Variants in MACF1 observed in about 807,000 individuals in gnomAD.
MACF1 encodes the protein microtubule-actin cross-linking factor 1.
MACF1 carries 193 observed loss-of-function variants against 854.8 expected under a neutral mutation model. The observed-to-expected ratio is 0.23, with a 90% CI of 0.20 to 0.25. The LOEUF (loss-of-function observed/expected upper bound fraction) is 0.25. Ranked by LOEUF, MACF1 falls within the 10% of genes least tolerant of loss-of-function variation. MACF1 has a pLI of 1.00. For missense variants in MACF1, 7,722 were observed against 8,929.1 expected (o/e 0.86, Z 5.45); for synonymous variants, 3,185 against 3,226.7 (o/e 0.99, Z 0.44).
rs77375279 is a variant in MACF1 at position 39,086,466 on chromosome 1, G to C, written c.220+2028G>C. On this transcript the variant is annotated intron_variant, in intron 2 of 93. Transcript: ENST00000361689. ...CAGCCAGTAACAGAATTTTAGAGCT[G>C]TCCCTAGGGTGCAGGAAGGGGTTTA... Among the ~76,000 whole-genome samples, 1,312 of 152,276 alleles carry C rather than the reference G, an allele frequency of 8.6e-3. 18 individuals carry two copies. The highest frequency in any genetic ancestry group is 0.03 in the African/African-American group (1,234 of 41,544).
rs763610935 is a variant in MACF1 at position 39,428,162 on chromosome 1, A to C, written c.16678A>C (p.Arg5560=). The change falls in exon 63 of 101, where the codon AGG becomes CGG. Residue 5560 remains arginine (R), a synonymous_variant. Transcript: ENST00000564288. ...ACTTGACCAAGCTCTGTCTAATGCT[A>C]GGCTGTTTGGGGAGGATGAGGTGGA... The part of the protein sequence containing the change: ...ALLDQALSNA[R]LFGEDEVEVL... The C allele has an allele frequency of 2.5e-6, 4 of 1,614,152 alleles. No individual in the cohort carries two copies. The highest frequency in any genetic ancestry group is 3.4e-6 in the Non-Finnish European group (4 of 1,180,002).
At chr1:39,309,261 G>GTT (rs199800653) in intron 23 of MACF1, among the ~76,000 whole-genome samples, 23 of 142,908 alleles carry the variant, frequency 1.6e-4, no homozygotes, top group South Asian at 6.7e-4. Flanking sequence ...ATGTAGTTTA[G>GTT]TTTTTTTTTT....
chr1:39,288,959 A>G (rs562204673), intron 15 of MACF1, among the ~76,000 whole-genome samples: 49 of 152,274 alleles, frequency 3.2e-4, no homozygotes, highest in African/African-American at 1.1e-3. Context: ...GTTTTGATTT[A>G]TACATCCCAC....
At chr1:39,440,640 T>A (rs1045375661) in intron 72 of MACF1, among the ~76,000 whole-genome samples, 1 of 152,318 alleles carries the variant, frequency 6.6e-6, no homozygotes, top group East Asian at 1.9e-4. Flanking sequence ...TATACTCTAT[T>A]GTCAGCACTT....
intron 2 of MACF1, among the ~76,000 whole-genome samples, chr1:39,186,212 CTCTGTGTGTGTG>C (rs1430311884): frequency 1.2e-5 from 1 of 80,044 alleles, no homozygotes; most frequent in African/African-American, 5.4e-5. Flanking sequence ...CTCTCTCTCT[CTCTGTGTGTGTG>C]TGTGTGTGTG....
At chr1:39,291,471 C>T (rs1000927999) in intron 15 of MACF1, among the ~76,000 whole-genome samples, 1 of 152,114 alleles carries the variant, frequency 6.6e-6, no homozygotes, top group African/African-American at 2.4e-5. Flanking sequence ...CCCAAAGTAA[C>T]CTGTTTTAAA....
chr1:39,413,155 A>G, intron 58 of MACF1: 1 of 1,613,092 alleles, frequency 6.2e-7, no homozygotes, highest in African/African-American at 1.3e-5. Context: ...TACAGTACCC[A>G]TCACAGAGGA....
At chr1:39,468,408 C>T (rs1219661248) in intron 95 of MACF1, among the ~76,000 whole-genome samples, 1 of 152,182 alleles carries the variant, frequency 6.6e-6, no homozygotes. Context: ...AAAAGTATAT[C>T]AAGACACCAG....
Position 39,353,219 on chromosome 1 carries a change from T to C in MACF1, c.11412T>C (p.Cys3804=), listed in dbSNP as rs1379816158. 2 of 1,604,112 alleles carry C rather than the reference T, an allele frequency of 1.2e-6. No individual in the cohort carries two copies. The highest frequency in any genetic ancestry group is 2.2e-5 in the South Asian group (2 of 90,812). ...CCCCAGAGAAACTGGACAAGCAATG[T>C]GAGATGATGAAGGTAAGGGTGTTAG... The part of the protein sequence containing the change: ...NQAPEKLDKQ[C]EMMKARHQEL... Residue 3804 remains cysteine, a synonymous_variant, in exon 44 of 101, where the codon TGT becomes TGC. Coordinates refer to ENST00000564288, the MANE Select transcript of MACF1 (RefSeq NM_001394062.1).
chr1:39,132,678 A>G (rs554929000), intron 2 of MACF1, among the ~76,000 whole-genome samples: 19 of 152,074 alleles, frequency 1.2e-4, no homozygotes, highest in African/African-American at 3.9e-4. Context: ...GAAGAAATGG[A>G]TATTTTTTTT....
At chr1:39,475,470 A>G (rs998431859) in intron 97 of MACF1, among the ~76,000 whole-genome samples, 2 of 145,884 alleles carry the variant, frequency 1.4e-5, no homozygotes, top group African/African-American at 5.2e-5. Flanking sequence ...CCCTGTCTCA[A>G]AAAAAAAAAA....
intron 2 of MACF1, among the ~76,000 whole-genome samples, chr1:39,188,966 G>C (rs1166874898): frequency 6.6e-6 from 1 of 152,158 alleles, no homozygotes; most frequent in Non-Finnish European, 1.5e-5. Context: ...TCGAACTCTT[G>C]AGCTCAGGTG....
At chr1:39,225,354 C>T (rs976006646) in intron 1 of MACF1, among the ~76,000 whole-genome samples, 2 of 150,678 alleles carry the variant, frequency 1.3e-5, no homozygotes, top group African/African-American at 4.9e-5. Flanking sequence ...GTAGCTGGGA[C>T]TACAGGCGCC....
At chr1:39,285,790 G>T (rs747169175) in intron 14 of MACF1, 32 bp downstream of exon 14, 2 of 1,609,052 alleles carry the variant, frequency 1.2e-6, no homozygotes, top group South Asian at 1.1e-5. Context: ...TGGAGGGCTT[G>T]CTTGCTTACT....
intron 55 of MACF1, among the ~76,000 whole-genome samples, chr1:39,380,924 A>G (rs1026563578): frequency 6.6e-6 from 1 of 152,142 alleles, no homozygotes; most frequent in Non-Finnish European, 1.5e-5. Context: ...AAAAAAACGT[A>G]ACAAAAGAAC....
chr1:39,245,432 C>T (rs967512459), intron 2 of MACF1, among the ~76,000 whole-genome samples: 9 of 152,186 alleles, frequency 5.9e-5, no homozygotes, highest in Middle Eastern at 3.4e-3. Context: ...AGGCATGTGC[C>T]GCCATGCACA....
chr1:39,133,059 G>GCACT (rs1643050258), intron 2 of MACF1, among the ~76,000 whole-genome samples: 2 of 152,190 alleles, frequency 1.3e-5, no homozygotes, highest in African/African-American at 4.8e-5. Flanking sequence ...GCAACTATTA[G>GCACT]TCCCTGGGGG....
chr1:39,272,907 A>G lies in MACF1; in HGVS notation c.529-9301A>G, dbSNP rs528255033. Among the ~76,000 whole-genome samples, 3 of 152,308 alleles carry G rather than the reference A, an allele frequency of 2.0e-5. No homozygotes were observed. In the East Asian group the frequency reaches 5.8e-4, roughly 29 times the overall value. ...GCTGGATGGGAACAGGCTAATAGCAATCGCTCTTTGATGTCAGACAAAGGC... is the reference window on the plus strand; with the variant it reads ...GCTGGATGGGAACAGGCTAATAGCAGTCGCTCTTTGATGTCAGACAAAGGC... On this transcript the variant is annotated intron_variant, in intron 6 of 100. Transcript: ENST00000564288.
At chr1:39,186,721 C>T (rs1644178799) in intron 2 of MACF1, among the ~76,000 whole-genome samples, 1 of 152,096 alleles carries the variant, frequency 6.6e-6, no homozygotes, top group South Asian at 2.1e-4. Context: ...GATCTTCCCA[C>T]CTCAGCTTCC....
Sources: allele counts gnomAD v4.1 joint callset (sites outside exome capture counted in the v4.1 genomes callset), GRCh38; gene constraint gnomAD v4.1.1; transcripts MANE v1.5; gene names NCBI Gene and HGNC (gene_info 2026-07-23, HGNC 2026-07-21).